The following CDK14 variants were observed in gnomAD, a reference collection of about 807,000 sequenced individuals.
CDK14 encodes the protein cyclin dependent kinase 14, also known as cyclin-dependent kinase 14.
CDK14 carries 34 observed loss-of-function variants against 60.7 expected under a neutral mutation model. That is an observed-to-expected ratio of 0.56 (90% CI 0.43 to 0.75). The LOEUF (loss-of-function observed/expected upper bound fraction) is 0.75, where lower values mean the gene tolerates loss of function less well. CDK14 is among the 30% of genes least tolerant of loss of function. The pLI is 0.00. For synonymous variants in CDK14, 197 were observed against 203.7 expected (o/e 0.97, Z 0.28); for missense variants, 482 against 564.1 (o/e 0.85, Z 1.47).
chr7:90,685,630 C>T (rs1043911956), intron 2 of CDK14, among the ~76,000 whole-genome samples: 1 of 149,400 alleles, frequency 6.7e-6, no homozygotes, highest in African/African-American at 2.5e-5. Context: ...AAGTGCATGC[C>T]ATCTTGCCCA....
chr7:91,184,204 T>TAAAAAAAAAAAAAAAAAAA lies in CDK14; in HGVS notation c.*29-22958_*29-22940dup, dbSNP rs59565390. On this transcript the variant is annotated intron_variant, in intron 14 of 14. Coordinates refer to ENST00000380050, the MANE Select transcript of CDK14 (RefSeq NM_001287135.2). ...TGGGTGACAGAGTGAGGCTCCGTCT[T>TAAAAAAAAAAAAAAAAAAA]AAAAAAAAAAAAAAAAAAAAATTAG... Among the ~76,000 whole-genome samples, 6 of 36,664 alleles carry TAAAAAAAAAAAAAAAAAAA rather than the reference T, an allele frequency of 1.6e-4. 1 individual carries two copies. Among genetic ancestry groups the TAAAAAAAAAAAAAAAAAAA allele is most frequent in the African/African-American group, 3.8e-4 (3 of 7,960 alleles). The allele number at this position is 36,664 out of a possible 152,430, so 24.1% of individuals were successfully genotyped here.
At chr7:90,984,373 G>T in intron 10 of CDK14, 132 bp downstream of exon 10, 1 of 642,938 alleles carries the variant, frequency 1.6e-6, no homozygotes, top group Non-Finnish European at 2.8e-6. Flanking sequence ...AACATATTTT[G>T]GACCTTTGAA....
At chr7:91,084,923 A>C (rs1174405227) in intron 12 of CDK14, among the ~76,000 whole-genome samples, 1 of 152,234 alleles carries the variant, frequency 6.6e-6, no homozygotes, top group Admixed American at 6.5e-5. Flanking sequence ...GAAGTGGCAC[A>C]GAGCTTCTAG....
chr7:90,744,155 C>T (rs535678331), intron 3 of CDK14, among the ~76,000 whole-genome samples: 34 of 152,278 alleles, frequency 2.2e-4, no homozygotes, highest in South Asian at 6.2e-4. Context: ...GAGGACCCTG[C>T]GGCCTTCCGC....
intron 14 of CDK14, among the ~76,000 whole-genome samples, chr7:91,151,354 C>T (rs781102492): frequency 3.3e-5 from 5 of 152,156 alleles, no homozygotes; most frequent in Non-Finnish European, 5.9e-5. Flanking sequence ...TTAAAAGTGG[C>T]TTGTTGCTAT....
chr7:90,794,117 G>A (rs1030815832), intron 5 of CDK14, among the ~76,000 whole-genome samples: 7 of 152,190 alleles, frequency 4.6e-5, no homozygotes, highest in East Asian at 1.9e-4. Flanking sequence ...CCCCTGAGCC[G>A]TAAAACCAGC....
intron 3 of CDK14, among the ~76,000 whole-genome samples, chr7:90,743,579 G>C (rs966854038): frequency 1.1e-4 from 16 of 152,016 alleles, no homozygotes; most frequent in Non-Finnish European, 2.1e-4. Context: ...TTGCTCTGTC[G>C]ATTAGTAGTG....
intron 14 of CDK14, among the ~76,000 whole-genome samples, chr7:91,124,061 A>T (rs915062051): frequency 1.3e-5 from 2 of 151,862 alleles, no homozygotes; most frequent in African/African-American, 4.8e-5. Flanking sequence ...TCATTTTTAA[A>T]TTTTTTTGTA....
chr7:91,126,561 T>C (rs1799952086), intron 14 of CDK14, among the ~76,000 whole-genome samples: 1 of 152,198 alleles, frequency 6.6e-6, no homozygotes. Context: ...GAATTGCATA[T>C]TGATAGTGGC....
At chr7:90,818,908 G>GTA (rs1469034153) in intron 5 of CDK14, among the ~76,000 whole-genome samples, 1 of 147,842 alleles carries the variant, frequency 6.8e-6, no homozygotes, top group Non-Finnish European at 1.5e-5. Flanking sequence ...GTGTGTGTGT[G>GTA]TATATATATA....
At chr7:91,008,347 C>T (rs1045699824) in intron 10 of CDK14, among the ~76,000 whole-genome samples, 1 of 152,036 alleles carries the variant, frequency 6.6e-6, no homozygotes, top group African/African-American at 2.4e-5. Context: ...GGAAAATGAA[C>T]AAACAGCTAC....
In CDK14 at chr7:90,598,704, A is replaced by ATTTT. The variant is rs796093975; in HGVS notation, c.91+2001_91+2004dup. Among the ~76,000 whole-genome samples, 126 of 87,902 alleles carry ATTTT rather than the reference A, an allele frequency of 1.4e-3. 15 individuals are homozygous for ATTTT. The highest frequency in any genetic ancestry group is 4.3e-3 in the African/African-American group (107 of 24,848). The allele number at this position is 87,902 out of a possible 152,430, so 57.7% of individuals were successfully genotyped here. A position where few individuals can be genotyped will look rare whatever the true frequency, so the allele number is the denominator to read the frequency against. On this transcript the variant is annotated intron_variant, in intron 1 of 14. Transcript: ENST00000380050. Reference sequence around the variant, plus strand: ...GTGAACTCATTCTGATTATCTAAGGATTTTTTTTTTTTTTTTTTGAGACGG... The same window carrying ATTTT: ...GTGAACTCATTCTGATTATCTAAGGATTTTTTTTTTTTTTTTTTTTTTGAGACGG...
At chr7:90,843,168 A>T (rs1241745822) in intron 5 of CDK14, among the ~76,000 whole-genome samples, 1 of 152,174 alleles carries the variant, frequency 6.6e-6, no homozygotes, top group Non-Finnish European at 1.5e-5. Flanking sequence ...AAGTTGATAC[A>T]ACCAAAATTT....
chr7:90,597,798 A>T (rs1014781824), intron 1 of CDK14, among the ~76,000 whole-genome samples: 2 of 152,076 alleles, frequency 1.3e-5, no homozygotes, highest in Non-Finnish European at 2.9e-5. Flanking sequence ...AACTTTCTTC[A>T]AGTGAGAGAG....
intron 4 of CDK14, among the ~76,000 whole-genome samples, chr7:90,778,022 T>C (rs184956735): frequency 5.4e-4 from 82 of 152,338 alleles, no homozygotes; most frequent in Non-Finnish European, 9.7e-4. Context: ...ACCTCTTCTC[T>C]GAGTGTTTAC....
At chr7:91,117,947 A>G in intron 13 of CDK14, 118 bp from the exon 14 acceptor site, 2 of 572,998 alleles carry the variant, frequency 3.5e-6, no homozygotes, top group South Asian at 2.5e-5. Context: ...AAAACATACC[A>G]TGATGTTCAG....
chr7:91,007,799 AC>A (rs1234157269), intron 10 of CDK14, among the ~76,000 whole-genome samples: 1 of 151,582 alleles, frequency 6.6e-6, no homozygotes, highest in Non-Finnish European at 1.5e-5. Flanking sequence ...GAAAAAAAAA[AC>A]AAAAATCCTG....
At chr7:90,951,477 G>C (rs1794261557) in intron 8 of CDK14, among the ~76,000 whole-genome samples, 1 of 152,150 alleles carries the variant, frequency 6.6e-6, no homozygotes, top group Non-Finnish European at 1.5e-5. Flanking sequence ...TAGTTAGAAA[G>C]GAGTAAGTCA....
chr7:90,812,342 T>C (rs1360271762), intron 5 of CDK14, among the ~76,000 whole-genome samples: 1 of 152,152 alleles, frequency 6.6e-6, no homozygotes, highest in Non-Finnish European at 1.5e-5. Context: ...CTGGAAACCA[T>C]CATTCTCAGC....
Sources: allele counts gnomAD v4.1 joint callset (sites outside exome capture counted in the v4.1 genomes callset), GRCh38; gene constraint gnomAD v4.1.1; transcripts MANE v1.5; gene names NCBI Gene and HGNC (gene_info 2026-07-23, HGNC 2026-07-21).